ROBO2: variants seen among roughly 807,000 people sequenced by gnomAD.
ROBO2 encodes roundabout homolog 2.
Under a neutral mutation model 160.8 loss-of-function variants are expected in ROBO2, and 53 were observed. The ratio of observed to expected loss-of-function variants is 0.33; its 90% CI spans 0.26 to 0.41. The LOEUF (loss-of-function observed/expected upper bound fraction) is 0.41, where lower values mean the gene tolerates loss of function less well. Ranked by LOEUF, ROBO2 falls within the 10% of genes least tolerant of loss-of-function variation. The pLI is 1.00. For missense variants in ROBO2, 1,577 were observed against 1,722.4 expected, an observed-to-expected ratio of 0.92 and a Z score of 1.49; for synonymous variants, 664 against 611.7, an observed-to-expected ratio of 1.09 and a Z score of -1.26.
intron 2 of ROBO2, among the ~76,000 whole-genome samples, chr3:76,344,924 A>G (rs562596106): frequency 1.3e-5 from 2 of 152,254 alleles, no homozygotes; most frequent in Non-Finnish European, 2.9e-5. Flanking sequence ...AGCAGTAAGT[A>G]TTTATCTGTA....
intron 2 of ROBO2, among the ~76,000 whole-genome samples, chr3:77,449,561 T>C (rs1394358206): frequency 6.6e-6 from 1 of 152,098 alleles, no homozygotes; most frequent in Non-Finnish European, 1.5e-5. Context: ...AATCTCCATC[T>C]AGCTGTGTTT....
intron 2 of ROBO2, among the ~76,000 whole-genome samples, chr3:76,151,084 T>C (rs1263412788): frequency 6.6e-6 from 1 of 152,132 alleles, no homozygotes; most frequent in East Asian, 1.9e-4. Context: ...CTTTCCTCTG[T>C]GCAATAGTCA....
intron 2 of ROBO2, among the ~76,000 whole-genome samples, chr3:76,888,067 T>C (rs1440851153): frequency 6.6e-6 from 1 of 152,196 alleles, no homozygotes; most frequent in East Asian, 1.9e-4. Context: ...ACATTTTAAA[T>C]GAATCTAGTT....
intron 2 of ROBO2, among the ~76,000 whole-genome samples, chr3:77,342,250 A>G (rs1482410900): frequency 6.6e-6 from 1 of 152,152 alleles, no homozygotes; most frequent in Non-Finnish European, 1.5e-5. Flanking sequence ...TATGTTGTAC[A>G]TAAGGAGACC....
intron 2 of ROBO2, among the ~76,000 whole-genome samples, chr3:76,179,600 G>A (rs1387918049): frequency 2.6e-5 from 4 of 151,922 alleles, no homozygotes; most frequent in African/African-American, 9.7e-5. Flanking sequence ...CACTTCTGTG[G>A]CCTGCAAACT....
intron 2 of ROBO2, among the ~76,000 whole-genome samples, chr3:77,288,778 C>T (rs2060802859): frequency 6.6e-6 from 1 of 152,160 alleles, no homozygotes; most frequent in South Asian, 2.1e-4. Context: ...CGAGACCCTA[C>T]TCAAGCATAC....
intron 2 of ROBO2, among the ~76,000 whole-genome samples, chr3:77,107,820 C>G (rs998080606): frequency 1.3e-5 from 2 of 152,126 alleles, no homozygotes; most frequent in Non-Finnish European, 1.5e-5. Flanking sequence ...AAGTCTGAAC[C>G]AAGATTTTGG....
chr3:75,917,892 C>G (rs1559750006), intron 1 of ROBO2, among the ~76,000 whole-genome samples: 1 of 136,060 alleles, frequency 7.3e-6, no homozygotes, highest in African/African-American at 2.7e-5. Flanking sequence ...TTGTTTTTTT[C>G]TTGTAAATTT....
At chr3:76,379,847 G>A (rs1054339592) in intron 2 of ROBO2, among the ~76,000 whole-genome samples, 2 of 151,858 alleles carry the variant, frequency 1.3e-5, no homozygotes, top group Non-Finnish European at 2.9e-5. Context: ...GTAATAACCC[G>A]GTCAGCATTA....
At chr3:77,371,875 G>T (rs1581425092) in intron 2 of ROBO2, among the ~76,000 whole-genome samples, 1 of 152,236 alleles carries the variant, frequency 6.6e-6, no homozygotes, top group South Asian at 2.1e-4. Context: ...GTTGTGTAAT[G>T]CGAAATCACT....
intron 2 of ROBO2, among the ~76,000 whole-genome samples, chr3:76,046,594 G>C (rs1250077549): frequency 2.0e-5 from 3 of 151,904 alleles, no homozygotes; most frequent in Non-Finnish European, 4.4e-5. Flanking sequence ...CTTGCAGTGA[G>C]CCGAGATCGC....
chr3:75,971,411 A>G (rs1027646763), intron 2 of ROBO2, among the ~76,000 whole-genome samples: 1 of 151,538 alleles, frequency 6.6e-6, no homozygotes, highest in African/African-American at 2.4e-5. Context: ...AAGCAGAATA[A>G]TAGCTTAAAA....
intron 2 of ROBO2, among the ~76,000 whole-genome samples, chr3:76,716,095 A>T (rs2093374380): frequency 6.6e-6 from 1 of 151,952 alleles, no homozygotes; most frequent in South Asian, 2.1e-4. Flanking sequence ...TAAGTTATGA[A>T]TTTTTTGGTA....
At chr3:76,512,320 ATG>A in intron 2 of ROBO2, among the ~76,000 whole-genome samples, 1 of 92,174 alleles carries the variant, frequency 1.1e-5, no homozygotes, top group Middle Eastern at 5.6e-3. Context: ...ATATATATAT[ATG>A]TATATATATA....
rs185968135 is a variant in ROBO2 at position 75,957,112 on chromosome 3, T to C, written c.109+19510T>C. 1.4e-3 allele frequency among the ~76,000 whole-genome samples: 220 copies of C among 151,850 alleles called. 1 individual carries two copies. The highest frequency in any genetic ancestry group is 4.8e-3 in the African/African-American group (201 of 41,500). On this transcript the variant is annotated intron_variant, in intron 2 of 26. Transcript: ENST00000487694. ...AGTGTGCAAGGCCTACAAATAAACC[T>C]AATAAATATCTTACAAACTGCCTTA...
intron 2 of ROBO2, among the ~76,000 whole-genome samples, chr3:76,233,115 A>C (rs987072072): frequency 1.3e-5 from 2 of 151,730 alleles, no homozygotes; most frequent in Non-Finnish European, 2.9e-5. Context: ...ACATCAATTC[A>C]AAGTTTACTG....
chr3:77,215,158 A>G (rs1471384784), intron 2 of ROBO2, among the ~76,000 whole-genome samples: 3 of 152,208 alleles, frequency 2.0e-5, no homozygotes, highest in African/African-American at 7.2e-5. Context: ...TCTCCTGGAT[A>G]ATATCCTGCA....
At chr3:77,082,381 T>G (rs2149939837) in intron 1 of ROBO2, among the ~76,000 whole-genome samples, 1 of 152,266 alleles carries the variant, frequency 6.6e-6, no homozygotes, top group Non-Finnish European at 1.5e-5. Context: ...AAGGTAGTGC[T>G]CACTGAGCCT....
chr3:77,381,641 A>G (rs1352404016), intron 2 of ROBO2, among the ~76,000 whole-genome samples: 2 of 152,212 alleles, frequency 1.3e-5, no homozygotes, highest in East Asian at 3.9e-4. Flanking sequence ...CCATGGTTAG[A>G]TAATCACAAG....
Sources: allele counts gnomAD v4.1 joint callset (sites outside exome capture counted in the v4.1 genomes callset), GRCh38; gene constraint gnomAD v4.1.1; transcripts MANE v1.5; gene names NCBI Gene and HGNC (gene_info 2026-07-23, HGNC 2026-07-21).